The following PTN variants were observed in gnomAD, a reference collection of about 807,000 sequenced individuals.
PTN encodes heparin affin regulatory protein.
A neutral mutation model predicts 24.1 loss-of-function variants in PTN; 18 were observed. The ratio of observed to expected loss-of-function variants is 0.75; its 90% CI spans 0.52 to 1.11. The LOEUF (loss-of-function observed/expected upper bound fraction) is 1.11. PTN is among the 50% of genes least tolerant of loss of function. The probability of loss-of-function intolerance (pLI) is 0.00; values close to 1 mark genes in which losing one functional copy is unlikely to be tolerated. For synonymous variants in PTN, 78 were observed against 68.6 expected (o/e 1.14, Z -0.67); for missense variants, 163 against 198.8 (o/e 0.82, Z 1.08).
chr7:137,243,957 G>A lies in PTN; in HGVS notation c.451+7273C>T, dbSNP rs572468817. Among the ~76,000 whole-genome samples, 3 of 152,242 alleles carry A rather than the reference G, an allele frequency of 2.0e-5. No individual in the cohort carries two copies. The South Asian group carries it at 6.2e-4, about 32-fold the overall frequency. On this transcript the variant is annotated intron_variant, in intron 4 of 4. Coordinates refer to ENST00000348225, the MANE Select transcript of PTN (RefSeq NM_002825.7). ...TTGCGGCATCCAAGCGAGATCTTTG[G>A]CCCTCCCGGAGATTCTTTGAACTAT...
At chr7:137,263,536 C>G (rs1043659975) in intron 1 of PTN, among the ~76,000 whole-genome samples, 2 of 152,164 alleles carry the variant, frequency 1.3e-5, no homozygotes, top group African/African-American at 4.8e-5. Context: ...ATTTCTAGAA[C>G]AGCCTGCAAC....
intron 4 of PTN, among the ~76,000 whole-genome samples, chr7:137,245,701 T>TA (rs1808710778): frequency 6.6e-6 from 1 of 152,182 alleles, no homozygotes; most frequent in African/African-American, 2.4e-5. Flanking sequence ...GATGATGTGT[T>TA]ACTGTCCCTG....
chr7:137,329,136 T>C (rs1810309355), intron 1 of PTN, among the ~76,000 whole-genome samples: 1 of 152,174 alleles, frequency 6.6e-6, no homozygotes, highest in African/African-American at 2.4e-5. Flanking sequence ...CTTTACCCCA[T>C]AGGGCTGTTG....
At chr7:137,297,076 T>A (rs578097223) in intron 1 of PTN, among the ~76,000 whole-genome samples, 1 of 152,134 alleles carries the variant, frequency 6.6e-6, no homozygotes, top group South Asian at 2.1e-4. Context: ...ATTCATAAAA[T>A]GGAAAGAAAC....
At chr7:137,324,566 G>A (rs1267361664) in intron 1 of PTN, among the ~76,000 whole-genome samples, 2 of 151,310 alleles carry the variant, frequency 1.3e-5, no homozygotes, top group Non-Finnish European at 2.9e-5. Flanking sequence ...TTCTTTAAGA[G>A]ACAATGTTCT....
At chr7:137,281,516 T>C (rs1174693000) in intron 1 of PTN, among the ~76,000 whole-genome samples, 1 of 152,180 alleles carries the variant, frequency 6.6e-6, no homozygotes, top group Non-Finnish European at 1.5e-5. Flanking sequence ...AGGTGCTTGT[T>C]AGAAATGCAG....
intron 1 of PTN, among the ~76,000 whole-genome samples, chr7:137,286,036 G>A (rs1809548639): frequency 6.6e-6 from 1 of 152,098 alleles, no homozygotes. Context: ...AAGTATATTG[G>A]TATCCAATCA....
At chr7:137,319,084 C>T (rs912651534) in intron 1 of PTN, among the ~76,000 whole-genome samples, 19 of 152,180 alleles carry the variant, frequency 1.2e-4, no homozygotes, top group Admixed American at 2.0e-4. Context: ...AAGACCTAAG[C>T]TCTCTAGTTC....
At chr7:137,285,969 G>C (rs894506487) in intron 1 of PTN, among the ~76,000 whole-genome samples, 6 of 152,192 alleles carry the variant, frequency 3.9e-5, no homozygotes, top group African/African-American at 7.2e-5. Context: ...TACAGTCTTG[G>C]TTATCTGGTT....
chr7:137,321,157 A>G (rs1810156309), intron 1 of PTN, among the ~76,000 whole-genome samples: 1 of 152,164 alleles, frequency 6.6e-6, no homozygotes, highest in Admixed American at 6.5e-5. Context: ...GAATTATATA[A>G]CACATGTGCA....
At chr7:137,338,725 A>G (rs1188014921) in intron 1 of PTN, among the ~76,000 whole-genome samples, 2 of 152,204 alleles carry the variant, frequency 1.3e-5, no homozygotes, top group East Asian at 1.9e-4. Context: ...GTCAGTCACT[A>G]TGCGTAAAAG....
intron 1 of PTN, chr7:137,324,743 A>C (rs562717814): frequency 6.6e-6 from 1 of 152,186 alleles, no homozygotes; most frequent in East Asian, 1.9e-4. Context: ...CTTTTTGAAG[A>C]AATCTTGGAG....
At chr7:137,294,343 G>A (rs904511391) in intron 1 of PTN, among the ~76,000 whole-genome samples, 1 of 152,080 alleles carries the variant, frequency 6.6e-6, no homozygotes, top group East Asian at 1.9e-4. Context: ...GTGAACACAA[G>A]CCCACACAGG....
chr7:137,253,413 A>T, intron 3 of PTN, 51 bp downstream of exon 3: 2 of 1,494,372 alleles, frequency 1.3e-6, no homozygotes, highest in Non-Finnish European at 1.8e-6. Flanking sequence ...TGGTGGAAAA[A>T]TTTGAGAATT....
At chr7:137,333,254 A>G (rs1810390024) in intron 1 of PTN, among the ~76,000 whole-genome samples, 1 of 152,144 alleles carries the variant, frequency 6.6e-6, no homozygotes, top group Non-Finnish European at 1.5e-5. Flanking sequence ...TGAGGCCTTC[A>G]CTAGATGCCC....
intron 1 of PTN, among the ~76,000 whole-genome samples, chr7:137,258,523 A>G (rs913314332): frequency 6.6e-6 from 1 of 152,120 alleles, no homozygotes; most frequent in Non-Finnish European, 1.5e-5. Context: ...ACTTAAGCCT[A>G]TATTTTGAGA....
intron 1 of PTN, among the ~76,000 whole-genome samples, chr7:137,285,183 A>T (rs999071539): frequency 1.1e-4 from 17 of 152,274 alleles, no homozygotes; most frequent in African/African-American, 3.9e-4. Context: ...CTATACACTA[A>T]ATTTCATTTA....
intron 1 of PTN, among the ~76,000 whole-genome samples, chr7:137,336,813 C>T (rs1409816726): frequency 1.3e-5 from 2 of 152,202 alleles, no homozygotes; most frequent in Admixed American, 1.3e-4. Context: ...TGCTCAAACA[C>T]TCCCAGCAAT....
chr7:137,304,070 G>A (rs1809848511), intron 1 of PTN, among the ~76,000 whole-genome samples: 1 of 152,018 alleles, frequency 6.6e-6, no homozygotes, highest in Non-Finnish European at 1.5e-5. Flanking sequence ...AAGATATGCA[G>A]CGTGGTTCAA....
Sources: gnomAD v4.1 joint callset for allele counts (sites outside exome capture counted in the v4.1 genomes callset) on GRCh38, gnomAD v4.1.1 for gene constraint, MANE v1.5 for transcripts, NCBI Gene and HGNC (gene_info 2026-07-23, HGNC 2026-07-21) for gene names.